RAD51AP1: variants seen among roughly 807,000 people sequenced by gnomAD.
RAD51AP1 encodes RAD51 associated protein 1.
RAD51AP1 carries 14 observed loss-of-function variants against 34.3 expected under a neutral mutation model. The observed-to-expected ratio is 0.41, with a 90% CI of 0.27 to 0.64. The LOEUF is 0.64. Ranked by LOEUF, RAD51AP1 falls within the 30% of genes least tolerant of loss-of-function variation. The probability of loss-of-function intolerance (pLI) is 0.33; values close to 1 mark genes in which losing one functional copy is unlikely to be tolerated. For synonymous variants in RAD51AP1, 114 were observed against 129.8 expected (o/e 0.88, Z 0.83); for missense variants, 348 against 386.9 (o/e 0.90, Z 0.84).
At chr12:4,548,065 ATTTT>A in intron 4 of RAD51AP1, 23 bp from the exon 5 acceptor site, 1 of 1,567,044 alleles carries the variant, frequency 6.4e-7, no homozygotes, top group Non-Finnish European at 8.6e-7. Context: ...ATATATCTGA[ATTTT>A]CTTTCTTATT....
In RAD51AP1 at chr12:4,543,750, C is replaced by CA. The variant is rs756803770; in HGVS notation, c.68-12dup. On this transcript the variant is annotated splice_polypyrimidine_tract_variant and intron_variant, in intron 2 of 8. Coordinates refer to ENST00000352618, the MANE Select transcript of RAD51AP1 (RefSeq NM_006479.5). ...TAATATTTTTCTTTTGGTTTTAATT[C>CA]ACACATGAATAGATGATTTTGTTTC... 21 of 1,510,528 alleles carry CA rather than the reference C, an allele frequency of 1.4e-5. No individual in the cohort carries two copies. In the African/African-American group the frequency reaches 3.0e-4, roughly 21 times the overall value. The allele number at this position is 1,510,528 out of a possible 1,614,324, so 93.6% of individuals were successfully genotyped here. A position where few individuals can be genotyped will look rare whatever the true frequency, so the allele number is the denominator to read the frequency against.
chr12:4,545,148 C>A, intron 3 of RAD51AP1: 1 of 418,240 alleles, frequency 2.4e-6, no homozygotes, highest in African/African-American at 2.1e-5. Flanking sequence ...AAAATGGAGG[C>A]AATCTAAATG....
intron 2 of RAD51AP1, among the ~76,000 whole-genome samples, chr12:4,542,869 T>C (rs1944478571): frequency 6.6e-6 from 1 of 152,148 alleles, no homozygotes; most frequent in African/African-American, 2.4e-5. Flanking sequence ...GAAACAGTAA[T>C]GGACTGGAAA....
intron 3 of RAD51AP1, chr12:4,545,952 T>C (rs1257298084): frequency 2.6e-6 from 3 of 1,176,152 alleles, no homozygotes; most frequent in Non-Finnish European, 3.6e-6. Flanking sequence ...GTGGGTGAGG[T>C]CAAGGAAGAG....
chr12:4,545,175 T>A (rs1297013475), intron 3 of RAD51AP1: 4 of 446,246 alleles, frequency 9.0e-6, no homozygotes, highest in Non-Finnish European at 1.8e-5. Context: ...TGCTAATGAA[T>A]GGATAAGTAA....
At chr12:4,557,808 T>C (rs1366956187) in intron 8 of RAD51AP1, among the ~76,000 whole-genome samples, 1 of 152,132 alleles carries the variant, frequency 6.6e-6, no homozygotes, top group Non-Finnish European at 1.5e-5. Context: ...GGAATTTTGT[T>C]GGACTCAGGA....
chr12:4,554,856 T>C (rs1018105587), intron 7 of RAD51AP1, among the ~76,000 whole-genome samples: 18 of 152,360 alleles, frequency 1.2e-4, no homozygotes, highest in African/African-American at 4.3e-4. Context: ...TGGTAACCTC[T>C]AGCCATGTGT....
At chr12:4,555,906 C>T (rs370970388) in intron 7 of RAD51AP1, among the ~76,000 whole-genome samples, 3 of 152,180 alleles carry the variant, frequency 2.0e-5, no homozygotes, top group African/African-American at 4.8e-5. Flanking sequence ...ACCTTAAAGT[C>T]CTTGGGAGCA....
rs1323419497 is a variant in RAD51AP1 at position 4,559,152 on chromosome 12, TA to T, written c.*163del. On this transcript the variant is annotated 3_prime_UTR_variant, in exon 9 of 9. Coordinates refer to ENST00000352618, the MANE Select transcript of RAD51AP1 (RefSeq NM_006479.5). ...AGCCATTTTATGATTATGTTCTCTG[TA>T]AAACTCTTCAAGACTTCAATGAGAA... The T allele has an allele frequency of 1.2e-6, 1 of 834,976 alleles. No homozygotes were observed. Among genetic ancestry groups the T allele is most frequent in the East Asian group, 2.7e-5 (1 of 37,578 alleles). The allele number at this position is 834,976 out of a possible 1,614,324, so 51.7% of individuals were successfully genotyped here.
chr12:4,545,048 A>G (rs1457004867), intron 3 of RAD51AP1, among the ~76,000 whole-genome samples: 2 of 152,220 alleles, frequency 1.3e-5, no homozygotes, highest in East Asian at 1.9e-4. Context: ...GACCCAGCCT[A>G]TGTATGTATC....
At chr12:4,540,318 G>A (rs1944454878) in intron 1 of RAD51AP1, among the ~76,000 whole-genome samples, 1 of 152,170 alleles carries the variant, frequency 6.6e-6, no homozygotes, top group Non-Finnish European at 1.5e-5. Context: ...GTAAGGAACA[G>A]CAGTTGTTAA....
intron 7 of RAD51AP1, among the ~76,000 whole-genome samples, chr12:4,555,159 T>C (rs1944573531): frequency 6.6e-6 from 1 of 152,108 alleles, no homozygotes; most frequent in Non-Finnish European, 1.5e-5. Context: ...GTGAACTTAA[T>C]GCCACCTCTC....
intron 2 of RAD51AP1, among the ~76,000 whole-genome samples, chr12:4,542,969 G>T (rs1447212652): frequency 3.3e-5 from 5 of 152,160 alleles, no homozygotes; most frequent in Non-Finnish European, 7.3e-5. Context: ...TACTACTATT[G>T]TAAAAATCCT....
Position 4,559,247 on chromosome 12 carries a change from C to T in RAD51AP1, c.*254C>T, listed in dbSNP as rs1394488067. On this transcript the variant is annotated 3_prime_UTR_variant, in exon 9 of 9. Coordinates refer to ENST00000352618, the MANE Select transcript of RAD51AP1 (RefSeq NM_006479.5). The stretch of plus-strand genomic sequence containing the variant: ...AGCGTATTCTGTTTTTCTATCAGTT[C>T]GACATGAAGTCCACATCACATGCTG... 1.5e-5 allele frequency: 5 copies of T among 338,586 alleles called. No individual in the cohort carries two copies. The highest frequency in any genetic ancestry group is 2.1e-5 in the Non-Finnish European group (4 of 186,906). 21.0% of individuals were successfully genotyped at this position (338,586 alleles called of 1,614,324 possible).
At chr12:4,555,910 G>T (rs1944578750) in intron 7 of RAD51AP1, among the ~76,000 whole-genome samples, 1 of 152,170 alleles carries the variant, frequency 6.6e-6, no homozygotes. Context: ...TAAAGTCCTT[G>T]GGAGCAGGAG....
At chr12:4,555,382 G>T (rs576639123) in intron 7 of RAD51AP1, among the ~76,000 whole-genome samples, 1 of 152,002 alleles carries the variant, frequency 6.6e-6, no homozygotes, top group South Asian at 2.1e-4. Flanking sequence ...ACCTTAGCAG[G>T]CCCCCATTTC....
At position 4,559,130 on chromosome 12, in the gene RAD51AP1, C is replaced by A. The variant is rs1944603638; in HGVS notation, c.*137C>A. 9.5e-7 allele frequency: 1 copy of A among 1,053,026 alleles called. No individual in the cohort carries two copies. The highest frequency in any genetic ancestry group is 1.4e-6 in the Non-Finnish European group (1 of 738,106). The allele number at this position is 1,053,026 out of a possible 1,614,324, so 65.2% of individuals were successfully genotyped here. On this transcript the variant is annotated 3_prime_UTR_variant, in exon 9 of 9. Transcript: ENST00000352618. ...CCATGTCCTATAAATGACCTCTAGCCATTTTATGATTATGTTCTCTGTAAA... is the reference window on the plus strand; with the variant it reads ...CCATGTCCTATAAATGACCTCTAGCAATTTTATGATTATGTTCTCTGTAAA...
intron 5 of RAD51AP1, among the ~76,000 whole-genome samples, chr12:4,548,452 T>G (rs1039934239): frequency 2.0e-5 from 3 of 152,206 alleles, no homozygotes; most frequent in Non-Finnish European, 4.4e-5. Context: ...TTGAAAATTT[T>G]GGGGGAAAGA....
In RAD51AP1 at chr12:4,559,261, C is replaced by T; in HGVS notation, c.*268C>T. 3.4e-6 allele frequency: 1 copy of T among 295,436 alleles called. No individual in the cohort carries two copies. The allele number at this position is 295,436 out of a possible 1,614,324, so 18.3% of individuals were successfully genotyped here. A position where few individuals can be genotyped will look rare whatever the true frequency, so the allele number is the denominator to read the frequency against. Reference sequence around the variant, plus strand: ...TTCTATCAGTTCGACATGAAGTCCACATCACATGCTGTTCTTTTCTAGTTA... The same window carrying T: ...TTCTATCAGTTCGACATGAAGTCCATATCACATGCTGTTCTTTTCTAGTTA... On this transcript the variant is annotated 3_prime_UTR_variant, in exon 9 of 9. Coordinates refer to ENST00000352618, the MANE Select transcript of RAD51AP1 (RefSeq NM_006479.5).
Sources: gnomAD v4.1 joint callset for allele counts (sites outside exome capture counted in the v4.1 genomes callset) on GRCh38, gnomAD v4.1.1 for gene constraint, MANE v1.5 for transcripts, NCBI Gene and HGNC (gene_info 2026-07-23, HGNC 2026-07-21) for gene names.